The following MICAL3 variants were observed in gnomAD, a reference collection of about 807,000 sequenced individuals.
The protein encoded by MICAL3 is [F-actin]-monooxygenase MICAL3.
MICAL3 carries 62 observed loss-of-function variants against 207.4 expected under a neutral mutation model. The ratio of observed to expected loss-of-function variants is 0.30; its 90% CI spans 0.24 to 0.37. The LOEUF is 0.37. Ranked by LOEUF, MICAL3 falls within the 10% of genes least tolerant of loss-of-function variation. The pLI is 1.00. For missense variants in MICAL3, 2,368 were observed against 2,635.6 expected (o/e 0.90, Z 2.22); for synonymous variants, 1,077 against 1,069.3 (o/e 1.01, Z -0.14).
intron 16 of MICAL3, chr22:17,884,324 C>T (rs1929686492): frequency 6.3e-7 from 1 of 1,595,370 alleles, no homozygotes; most frequent in Admixed American, 1.8e-5. Context: ...AGGCAGGCAG[C>T]AGGACGGCTG....
At chr22:17,924,308 C>T (rs1932864702) in intron 1 of MICAL3, among the ~76,000 whole-genome samples, 1 of 152,192 alleles carries the variant, frequency 6.6e-6, no homozygotes, top group African/African-American at 2.4e-5. Context: ...CTCACCAGGG[C>T]ACAGCCAGCG....
At chr22:17,812,528 G>C (rs2062059823) in intron 27 of MICAL3, 1 of 985,734 alleles carries the variant, frequency 1.0e-6, no homozygotes, top group Non-Finnish European at 1.2e-6. Context: ...ATGATCTCCT[G>C]AATGCCAAGG....
intron 17 of MICAL3, among the ~76,000 whole-genome samples, chr22:17,867,248 T>TC (rs1329865396): frequency 6.6e-6 from 1 of 152,230 alleles, no homozygotes; most frequent in African/African-American, 2.4e-5. Flanking sequence ...ACAGAATGTT[T>TC]CACTGGCCAC....
chr22:17,878,749 G>A (rs776429400), intron 16 of MICAL3, among the ~76,000 whole-genome samples: 7 of 152,114 alleles, frequency 4.6e-5, no homozygotes, highest in Non-Finnish European at 1.0e-4. Flanking sequence ...CCCTCACATT[G>A]TACGATGGCC....
chr22:17,826,787 A>T (rs1922235699), intron 22 of MICAL3, among the ~76,000 whole-genome samples: 1 of 152,232 alleles, frequency 6.6e-6, no homozygotes, highest in Non-Finnish European at 1.5e-5. Flanking sequence ...CAGCCCAGTG[A>T]TGCGGGTGCT....
At chr22:17,999,690 C>A (rs1922715447) in intron 1 of MICAL3, among the ~76,000 whole-genome samples, 1 of 152,150 alleles carries the variant, frequency 6.6e-6, no homozygotes, top group Admixed American at 6.5e-5. Context: ...AATATGCAGT[C>A]AAGTTTAAGA....
chr22:17,931,010 C>T (rs765090604), intron 1 of MICAL3, among the ~76,000 whole-genome samples: 12 of 152,224 alleles, frequency 7.9e-5, no homozygotes, highest in East Asian at 1.9e-4. Context: ...GCTCCACCTC[C>T]GCAACAGACC....
chr22:17,816,201 C>T (rs930353759), intron 27 of MICAL3, among the ~76,000 whole-genome samples: 1 of 152,238 alleles, frequency 6.6e-6, no homozygotes, highest in Admixed American at 6.5e-5. Flanking sequence ...AGCAGCCCTG[C>T]AGGTCAGTTC....
chr22:17,822,008 C>T lies in MICAL3; in HGVS notation c.3448+22G>A. 1.9e-6 allele frequency: 3 copies of T among 1,611,638 alleles called. No homozygotes were observed. The South Asian group carries it at 3.3e-5, about 18-fold the overall frequency. On this transcript the variant is annotated intron_variant, in intron 24 of 31. Transcript: ENST00000441493. Reference sequence around the variant, plus strand: ...CTCGTAGGAATTCTGAAAGTTGTTTCTCCCATCAAAGACAGGCTCACCTCT... The same window carrying T: ...CTCGTAGGAATTCTGAAAGTTGTTTTTCCCATCAAAGACAGGCTCACCTCT...
At chr22:17,930,014 T>C (rs1230045876) in intron 1 of MICAL3, among the ~76,000 whole-genome samples, 1 of 152,212 alleles carries the variant, frequency 6.6e-6, no homozygotes, top group Non-Finnish European at 1.5e-5. Context: ...GGGCAGAAGA[T>C]TTGATCAGGC....
At chr22:18,016,711 C>T (rs1415208017) in intron 1 of MICAL3, among the ~76,000 whole-genome samples, 1 of 152,106 alleles carries the variant, frequency 6.6e-6, no homozygotes, top group Non-Finnish European at 1.5e-5. Flanking sequence ...GAGGCCGAGG[C>T]AGGCGGATCA....
intron 1 of MICAL3, among the ~76,000 whole-genome samples, chr22:17,986,833 T>C (rs432023): frequency 0.23 from 35,536 of 152,080 alleles, 4,785 homozygotes; most frequent in East Asian, 0.51. Context: ...CTTTTTGTCC[T>C]ACATCAGAAA....
chr22:17,999,984 C>T (rs1299946457), intron 1 of MICAL3, among the ~76,000 whole-genome samples: 2 of 152,216 alleles, frequency 1.3e-5, no homozygotes, highest in East Asian at 3.8e-4. Flanking sequence ...TCTGAGAGGG[C>T]TGCAGAGATG....
intron 29 of MICAL3, among the ~76,000 whole-genome samples, chr22:17,798,829 A>G (rs1300101025): frequency 4.0e-5 from 6 of 151,556 alleles, no homozygotes; most frequent in East Asian, 2.0e-4. Flanking sequence ...GCCCGCCACC[A>G]CACCCGGCTA....
chr22:17,909,957 C>T (rs1297799340), intron 1 of MICAL3, among the ~76,000 whole-genome samples: 1 of 152,174 alleles, frequency 6.6e-6, no homozygotes, highest in Non-Finnish European at 1.5e-5. Flanking sequence ...CAATCCTGAC[C>T]CTGTGTGCCC....
chr22:18,006,722 A>T (rs2146497776), intron 1 of MICAL3: 1 of 152,428 alleles, frequency 6.6e-6, no homozygotes, highest in South Asian at 2.1e-4. Flanking sequence ...AATCCCAGCT[A>T]CTGGGGAGGC....
At chr22:17,976,107 C>T (rs1444076152) in intron 1 of MICAL3, among the ~76,000 whole-genome samples, 1 of 152,002 alleles carries the variant, frequency 6.6e-6, no homozygotes, top group Admixed American at 6.6e-5. Flanking sequence ...GCCAACAGAA[C>T]ATCAGTATGT....
chr22:17,904,748 T>A lies in MICAL3; in HGVS notation c.356A>T (p.Asp119Val), dbSNP rs762988967. Reference protein sequence around the residue: ...GAKVVVIEKRDAFSRNNVLHL... With the variant: ...GAKVVVIEKRVAFSRNNVLHL... ...CAAGACGTTGTTGCGGGAGAAGGCATCTCGTTTCTCAATAACAACCACCTT... is the reference window on the plus strand; with the variant it reads ...CAAGACGTTGTTGCGGGAGAAGGCAACTCGTTTCTCAATAACAACCACCTT... Residue 119 changes from aspartate (D) to valine (V), a missense_variant, in exon 3 of 32, where the codon GAT (aspartate) becomes GTT (valine). By Grantham distance (152) the Asp-to-Val change is radical (BLOSUM62 -3). Coordinates refer to ENST00000441493, the MANE Select transcript of MICAL3 (RefSeq NM_015241.3). The A allele has an allele frequency of 1.2e-6, 2 of 1,613,690 alleles. No homozygotes were observed. Among genetic ancestry groups the A allele is most frequent in the Non-Finnish European group, 1.7e-6 (2 of 1,179,754 alleles).
In MICAL3 at chr22:17,961,099, T is replaced by C. The variant is rs571649659; in HGVS notation, c.-74-54213A>G. Among the ~76,000 whole-genome samples the C allele has an allele frequency of 5.3e-5, 8 of 152,116 alleles. No individual in the cohort carries two copies. In the South Asian group the frequency reaches 6.2e-4, roughly 12 times the overall value. On this transcript the variant is annotated intron_variant, in intron 1 of 31. Coordinates refer to ENST00000441493, the MANE Select transcript of MICAL3 (RefSeq NM_015241.3). ...ACACCTAGGGACACCAGGGTGGGCA[T>C]AGGGAAGCCAATCTGGAAGTGCCTG...
Sources: allele counts gnomAD v4.1 joint callset (sites outside exome capture counted in the v4.1 genomes callset), GRCh38; gene constraint gnomAD v4.1.1; transcripts MANE v1.5; gene names NCBI Gene and HGNC (gene_info 2026-07-23, HGNC 2026-07-21).